PTPRD: variants seen among roughly 807,000 people sequenced by gnomAD.
The protein encoded by PTPRD is protein tyrosine phosphatase receptor type D, also known as receptor-type tyrosine-protein phosphatase delta.
In PTPRD, 34 loss-of-function variants were observed where a neutral mutation model predicts 214.5. The observed-to-expected ratio is 0.16, with a 90% CI of 0.12 to 0.21. The LOEUF is 0.21. Among genes scored for constraint, PTPRD ranks in the 10% least tolerant of loss-of-function variants. The pLI is 1.00. For synonymous variants in PTPRD, 1,128 were observed against 845.7 expected, an observed-to-expected ratio of 1.33 and a Z score of -5.79; for missense variants, 2,545 against 2,398.7, an observed-to-expected ratio of 1.06 and a Z score of -1.27.
At chr9:10,098,242 G>A (rs1403720760) in intron 3 of PTPRD, among the ~76,000 whole-genome samples, 1 of 148,834 alleles carries the variant, frequency 6.7e-6, no homozygotes, top group East Asian at 2.0e-4. Flanking sequence ...CTATCGCAAG[G>A]ACAAAAAACC....
chr9:9,289,830 A>C (rs1950582621), intron 9 of PTPRD, among the ~76,000 whole-genome samples: 1 of 151,822 alleles, frequency 6.6e-6, no homozygotes, highest in Admixed American at 6.6e-5. Context: ...CATTGTGTAC[A>C]TAAACCATAT....
intron 2 of PTPRD, among the ~76,000 whole-genome samples, chr9:10,425,367 C>T (rs1424018483): frequency 6.6e-6 from 1 of 151,964 alleles, no homozygotes; most frequent in Non-Finnish European, 1.5e-5. Flanking sequence ...CTATCATAGT[C>T]ACCAGAACAT....
chr9:10,017,222 T>C (rs1390707374), intron 4 of PTPRD, among the ~76,000 whole-genome samples: 1 of 152,218 alleles, frequency 6.6e-6, no homozygotes, highest in Non-Finnish European at 1.5e-5. Flanking sequence ...ATCTTATTGA[T>C]AGCATATTTT....
At chr9:8,413,186 GATGT>G (rs2093659259) in intron 35 of PTPRD, among the ~76,000 whole-genome samples, 1 of 152,092 alleles carries the variant, frequency 6.6e-6, no homozygotes, top group Non-Finnish European at 1.5e-5. Context: ...CCTAAACATA[GATGT>G]ATTTTAGGCT....
chr9:10,119,811 A>T (rs995758478), intron 3 of PTPRD, among the ~76,000 whole-genome samples: 4 of 152,074 alleles, frequency 2.6e-5, no homozygotes, highest in Non-Finnish European at 5.9e-5. Flanking sequence ...TCTACAATGT[A>T]CAGAGTTGTA....
intron 11 of PTPRD, among the ~76,000 whole-genome samples, chr9:8,985,548 T>G (rs1298001010): frequency 6.6e-6 from 1 of 151,810 alleles, no homozygotes; most frequent in African/African-American, 2.4e-5. Context: ...CTAAATACAG[T>G]ATGGTTGAGC....
intron 3 of PTPRD, among the ~76,000 whole-genome samples, chr9:10,053,341 A>G: frequency 6.6e-6 from 1 of 152,180 alleles, no homozygotes; most frequent in Non-Finnish European, 1.5e-5. Context: ...TGTTCTTAGT[A>G]TTCCAAGATG....
Position 10,612,984 on chromosome 9 carries a change from C to T in PTPRD, c.-1004G>A, listed in dbSNP as rs1232800692. On this transcript the variant is annotated 5_prime_UTR_variant, in exon 1 of 46. Transcript: ENST00000381196. ...GCTCGCTCGCTCGCTGGCGCTCCCT[C>T]CTCGTCTCGCTCGCACTCACAGGCA... Among the ~76,000 whole-genome samples, 1 of 151,352 alleles carries T rather than the reference C, an allele frequency of 6.6e-6. No homozygotes were observed.
intron 21 of PTPRD, among the ~76,000 whole-genome samples, chr9:8,514,140 C>T (rs1258147259): frequency 6.6e-6 from 1 of 152,018 alleles, no homozygotes; most frequent in African/African-American, 2.4e-5. Context: ...AGTTATGATT[C>T]AATGTCATAT....
chr9:8,387,710 G>C (rs1266776330), intron 37 of PTPRD, among the ~76,000 whole-genome samples: 1 of 152,112 alleles, frequency 6.6e-6, no homozygotes, highest in Non-Finnish European at 1.5e-5. Context: ...GAATGACCTT[G>C]GGCAAAGCTT....
At chr9:9,313,362 G>C (rs1037620083) in intron 9 of PTPRD, among the ~76,000 whole-genome samples, 1 of 152,106 alleles carries the variant, frequency 6.6e-6, no homozygotes, top group Non-Finnish European at 1.5e-5. Flanking sequence ...TTAGTTTGTG[G>C]TACAATTGTA....
At chr9:9,411,020 C>T (rs1180775128) in intron 8 of PTPRD, among the ~76,000 whole-genome samples, 2 of 151,762 alleles carry the variant, frequency 1.3e-5, no homozygotes, top group African/African-American at 4.8e-5. Flanking sequence ...TTTTTTTTCC[C>T]ACCACAGCTG....
intron 14 of PTPRD, among the ~76,000 whole-genome samples, chr9:8,562,095 AT>A (rs1411438189): frequency 6.6e-6 from 1 of 152,172 alleles, no homozygotes; most frequent in African/African-American, 2.4e-5. Context: ...GCAAGAGGAG[AT>A]TGAAGATGAA....
intron 9 of PTPRD, among the ~76,000 whole-genome samples, chr9:9,343,783 T>C (rs1427145828): frequency 6.6e-6 from 1 of 152,074 alleles, no homozygotes; most frequent in Non-Finnish European, 1.5e-5. Flanking sequence ...AACAAATATA[T>C]TCTTTTTAAA....
chr9:9,762,369 T>A (rs186854118), intron 6 of PTPRD, among the ~76,000 whole-genome samples: 10 of 152,354 alleles, frequency 6.6e-5, no homozygotes, highest in African/African-American at 2.4e-4. Context: ...CTCTTGGTGT[T>A]CTCTTCAGAG....
intron 11 of PTPRD, among the ~76,000 whole-genome samples, chr9:9,007,885 G>GT (rs113485332): frequency 0.41 from 44,586 of 108,038 alleles, 9,353 homozygotes; most frequent in Non-Finnish European, 0.53. Flanking sequence ...TTAGAAAAGT[G>GT]TTTTTTTTTT....
chr9:9,783,637 T>C (rs1017859337), intron 5 of PTPRD, among the ~76,000 whole-genome samples: 1 of 152,100 alleles, frequency 6.6e-6, no homozygotes, highest in African/African-American at 2.4e-5. Flanking sequence ...GAAGTCATAA[T>C]AAAGAGCACA....
At chr9:8,504,906 T>C (rs1031144777) in intron 22 of PTPRD, among the ~76,000 whole-genome samples, 2 of 152,170 alleles carry the variant, frequency 1.3e-5, no homozygotes, top group African/African-American at 4.8e-5. Flanking sequence ...CAGTATACAA[T>C]TTACAGGAGG....
chr9:9,338,516 G>C (rs925840814), intron 9 of PTPRD, among the ~76,000 whole-genome samples: 1 of 151,920 alleles, frequency 6.6e-6, no homozygotes, highest in African/African-American at 2.4e-5. Context: ...TATTTTATAA[G>C]ATATTCTTTT....
Sources: allele counts gnomAD v4.1 joint callset (sites outside exome capture counted in the v4.1 genomes callset), GRCh38; gene constraint gnomAD v4.1.1; transcripts MANE v1.5; gene names NCBI Gene and HGNC (gene_info 2026-07-23, HGNC 2026-07-21).